FNDC1: variants seen among roughly 807,000 people sequenced by gnomAD.
FNDC1 encodes fibronectin type III domain-containing protein 1.
FNDC1 carries 96 observed loss-of-function variants against 168.0 expected under a neutral mutation model. That is an observed-to-expected ratio of 0.57 (90% CI 0.48 to 0.68). The LOEUF (loss-of-function observed/expected upper bound fraction) is 0.68, where lower values mean the gene tolerates loss of function less well. Among genes scored for constraint, FNDC1 ranks in the 30% least tolerant of loss-of-function variants. The pLI, the probability that FNDC1 is intolerant of heterozygous loss-of-function variation, is 0.00. For synonymous variants in FNDC1, 1,099 were observed against 1,025.9 expected, an observed-to-expected ratio of 1.07 and a Z score of -1.36; for missense variants, 2,587 against 2,482.1, an observed-to-expected ratio of 1.04 and a Z score of -0.90.
chr6:159,246,939 A>T lies in FNDC1; in HGVS notation c.4660A>T (p.Thr1554Ser). 6.2e-7 allele frequency: 1 copy of T among 1,613,008 alleles called. No individual in the cohort carries two copies. The highest frequency in any genetic ancestry group is 1.1e-5 in the South Asian group (1 of 91,064). Residue 1554 changes from threonine (T) to serine (S), a missense_variant, in exon 15 of 23, where the codon ACG (threonine) becomes TCG (serine). Physicochemically the swap from Thr to Ser is moderately conservative, Grantham distance 58. Transcript: ENST00000297267. ...CTTGGAGACTGACACTGCAGTACCT[A>T]CGGAAGAGGCCTACGTTATATATGA... ...SGLETDTAVP[T>S]EEAYVIYDED... is the part of the protein sequence containing the mutation.
At chr6:159,249,799 G>A (rs899418535) in intron 16 of FNDC1, among the ~76,000 whole-genome samples, 5 of 152,184 alleles carry the variant, frequency 3.3e-5, no homozygotes, top group African/African-American at 9.7e-5. Context: ...TCATTAATGA[G>A]ACAGCTGGAT....
intron 12 of FNDC1, 38 bp downstream of exon 12, chr6:159,236,353 T>C: frequency 7.0e-7 from 1 of 1,424,936 alleles, no homozygotes; most frequent in Non-Finnish European, 9.9e-7. Context: ...GTTGTTTTCA[T>C]GCTGTTGAGA....
chr6:159,174,125 G>T (rs190140249), intron 1 of FNDC1, among the ~76,000 whole-genome samples: 53 of 152,338 alleles, frequency 3.5e-4, no homozygotes, highest in African/African-American at 1.2e-3. Flanking sequence ...AGGAGAGAAA[G>T]GACTATGTAT....
At chr6:159,249,560 A>G (rs879900758) in intron 16 of FNDC1, among the ~76,000 whole-genome samples, 1 of 152,244 alleles carries the variant, frequency 6.6e-6, no homozygotes, top group East Asian at 1.9e-4. Flanking sequence ...AATTCTTCCT[A>G]AAAGGTTAGC....
chr6:159,234,628 T>A, intron 11 of FNDC1, 149 bp downstream of exon 11: 1 of 797,516 alleles, frequency 1.3e-6, no homozygotes, highest in Non-Finnish European at 2.0e-6. Context: ...TTTCATCCTC[T>A]GAACGGTCCC....
At chr6:159,245,060 G>A (rs1023077057) in intron 14 of FNDC1, among the ~76,000 whole-genome samples, 1 of 152,208 alleles carries the variant, frequency 6.6e-6, no homozygotes, top group Non-Finnish European at 1.5e-5. Context: ...GAGCGAGAAC[G>A]AGAGAGCAAG....
At chr6:159,213,295 A>C (rs1782642687) in intron 4 of FNDC1, among the ~76,000 whole-genome samples, 1 of 152,184 alleles carries the variant, frequency 6.6e-6, no homozygotes, top group African/African-American at 2.4e-5. Flanking sequence ...ACCGGCAGAC[A>C]CTGCAGGCAA....
chr6:159,197,721 G>T (rs1414841755), intron 2 of FNDC1, 96 bp downstream of exon 2: 11 of 1,148,782 alleles, frequency 9.6e-6, no homozygotes, highest in Non-Finnish European at 1.2e-5. Flanking sequence ...ACCCATGGCT[G>T]GGCTCAAGGT....
chr6:159,232,544 T>A lies in FNDC1; in HGVS notation c.2032T>A (p.Ser678Thr). Residue 678 changes from serine (S) to threonine (T), a missense_variant, in exon 11 of 23, where the codon TCC (serine) becomes ACC (threonine). Ser to Thr is a moderately conservative substitution (Grantham distance 58). Transcript: ENST00000297267. This position sits in a 1 kb window ranked among gnomAD's most constrained non-coding sequence, Gnocchi z 4.9. Reference sequence around the variant, plus strand: ...CCTGTCCCCCAGCCGCCAGTCCCCGTCCAGCGTTCTCCGCGACAGAAGCTC... The same window carrying A: ...CCTGTCCCCCAGCCGCCAGTCCCCGACCAGCGTTCTCCGCGACAGAAGCTC... ...PALSPSRQSP[S>T]SVLRDRSSVH... 1 of 1,612,170 alleles carries A rather than the reference T, an allele frequency of 6.2e-7. No individual in the cohort carries two copies. The highest frequency in any genetic ancestry group is 8.5e-7 in the Non-Finnish European group (1 of 1,179,244).
chr6:159,233,426 A>G lies in FNDC1; in HGVS notation c.2914A>G (p.Thr972Ala), dbSNP rs369083619. ...TTCTCCCAAAGCACAGCCAGGGTCC[A>G]CAGACCGCCACGCGTCCCCTGCTCG... ...GHSPKAQPGS[T>A]DRHASPARPP... The change falls in exon 11 of 23, where the codon ACA becomes GCA. Residue 972 changes from threonine to alanine, a missense_variant. Transcript: ENST00000297267. This position sits in a 1 kb window ranked among gnomAD's most constrained non-coding sequence, Gnocchi z 4.6. The G allele has an allele frequency of 1.1e-5, 17 of 1,611,236 alleles. No homozygotes were observed. Among genetic ancestry groups the G allele is most frequent in the African/African-American group, 1.3e-5 (1 of 74,876 alleles).
chr6:159,262,191 C>G (rs1171728590), intron 19 of FNDC1, among the ~76,000 whole-genome samples: 2 of 152,158 alleles, frequency 1.3e-5, no homozygotes, highest in Non-Finnish European at 2.9e-5. Flanking sequence ...AGAGACTTTT[C>G]CATGTAGGAA....
At chr6:159,270,760 A>T (rs1777728917) in intron 22 of FNDC1, among the ~76,000 whole-genome samples, 1 of 152,220 alleles carries the variant, frequency 6.6e-6, no homozygotes, top group East Asian at 1.9e-4. Context: ...TCCAGGAATT[A>T]AGCCTTGGAG....
At chr6:159,227,022 GA>G (rs1782968408) in intron 9 of FNDC1, among the ~76,000 whole-genome samples, 1 of 152,110 alleles carries the variant, frequency 6.6e-6, no homozygotes, top group Admixed American at 6.5e-5. Flanking sequence ...CTGGAAAATG[GA>G]TTGATTCCCT....
intron 9 of FNDC1, among the ~76,000 whole-genome samples, chr6:159,227,253 T>G (rs1554309050): frequency 2.6e-5 from 4 of 152,224 alleles, no homozygotes; most frequent in Non-Finnish European, 5.9e-5. Context: ...GGAGACATTT[T>G]AAAGAGCCAT....
chr6:159,261,131 T>C (rs977318211), intron 18 of FNDC1, 59 bp from the exon 19 acceptor site: 19 of 1,396,696 alleles, frequency 1.4e-5, no homozygotes, highest in Non-Finnish European at 1.9e-5. Flanking sequence ...GGGAGTCTGT[T>C]TTGTTACACA....
intron 17 of FNDC1, among the ~76,000 whole-genome samples, chr6:159,252,198 A>G (rs1160243836): frequency 6.6e-6 from 1 of 152,056 alleles, no homozygotes; most frequent in Non-Finnish European, 1.5e-5. Context: ...AAGAGAATTG[A>G]TATTTTCTGT....
chr6:159,233,717 C>T lies in FNDC1; in HGVS notation c.3205C>T (p.Gln1069Ter), dbSNP rs866979106. The change falls in exon 11 of 23, where the codon CAG (glutamine) becomes TAG (stop). Residue 1069 changes from glutamine to a stop codon, truncating the protein, a stop_gained. Coordinates refer to ENST00000297267, the MANE Select transcript of FNDC1 (RefSeq NM_032532.3). LOFTEE classifies it high-confidence loss of function. The surrounding 1 kb of genome is among the most constrained non-coding windows in gnomAD (Gnocchi z 4.6). ...SSRGMLPTAL[Q>*]NQDEDAQGSY... is the part of the protein sequence containing the mutation. ...CAGAGGGATGCTCCCCACGGCCCTC[C>T]AGAACCAGGACGAGGATGCCCAGGG... is the stretch of plus-strand genomic sequence containing the variant. The T allele has an allele frequency of 6.5e-7, 1 of 1,549,956 alleles. No individual in the cohort carries two copies. The highest frequency in any genetic ancestry group is 8.7e-7 in the Non-Finnish European group (1 of 1,146,808).
chr6:159,205,662 A>G (rs1402605608), intron 4 of FNDC1, among the ~76,000 whole-genome samples: 1 of 152,148 alleles, frequency 6.6e-6, no homozygotes, highest in African/African-American at 2.4e-5. Flanking sequence ...TAGGCTCCAA[A>G]TTTCTTTCTA....
At chr6:159,187,453 A>AT (rs1319362278) in intron 1 of FNDC1, among the ~76,000 whole-genome samples, 2 of 152,116 alleles carry the variant, frequency 1.3e-5, no homozygotes, top group Non-Finnish European at 2.9e-5. Context: ...GTTTGATTTT[A>AT]TTTTTTGTAC....
Sources: allele counts gnomAD v4.1 joint callset (sites outside exome capture counted in the v4.1 genomes callset), GRCh38; gene constraint gnomAD v4.1.1; non-coding constraint Gnocchi (gnomAD v3.1); transcripts MANE v1.5; gene names NCBI Gene and HGNC (gene_info 2026-07-23, HGNC 2026-07-21).